The following SLCO1B3 variants were observed in gnomAD, a reference collection of about 807,000 sequenced individuals.
The protein encoded by SLCO1B3 is liver-specific organic anion transporter 2.
In SLCO1B3, 72 loss-of-function variants were observed where a neutral mutation model predicts 71.8. The ratio of observed to expected loss-of-function variants is 1.00; its 90% confidence interval spans 0.83 to 1.22. The LOEUF (loss-of-function observed/expected upper bound fraction) is 1.22. Ranked by LOEUF, SLCO1B3 falls within the 50% of genes most tolerant of loss-of-function variation. The probability of loss-of-function intolerance (pLI) is 0.00; values close to 1 mark genes in which losing one functional copy is unlikely to be tolerated. For missense variants in SLCO1B3, 911 were observed against 819.7 expected (o/e 1.11, Z -1.36); for synonymous variants, 298 against 278.4 (o/e 1.07, Z -0.70).
At chr12:20,875,105 T>G in intron 8 of SLCO1B3, 130 bp from the exon 9 acceptor site, 1 of 1,177,272 alleles carries the variant, frequency 8.5e-7, no homozygotes, top group Non-Finnish European at 1.2e-6. Flanking sequence ...AAATAGTGTT[T>G]TAGAATTGAA....
chr12:20,826,176 A>T (rs538586986), intron 3 of SLCO1B3, among the ~76,000 whole-genome samples: 3 of 152,158 alleles, frequency 2.0e-5, no homozygotes, highest in Non-Finnish European at 4.4e-5. Flanking sequence ...TAAAGCCAAG[A>T]GCACAGAGGG....
In SLCO1B3 at chr12:20,916,008, G is replaced by A. The variant is rs917363998; in HGVS notation, c.1870G>A (p.Val624Ile). The change falls in exon 16 of 16, where the codon GTC becomes ATC. Residue 624 changes from valine (V) to isoleucine (I), a missense_variant. Val to Ile is a conservative substitution (Grantham distance 29). Coordinates refer to ENST00000381545, the MANE Select transcript of SLCO1B3 (RefSeq NM_019844.4). ...RIYNSVFFGR[V>I]YLGLSIALRF... ...CTCTATTTTCTCTTTTCACAGAAGGGTCTACTTGGGCTTATCTATAGCTTT... is the reference window on the plus strand; with the variant it reads ...CTCTATTTTCTCTTTTCACAGAAGGATCTACTTGGGCTTATCTATAGCTTT... 6.3e-7 allele frequency: 1 copy of A among 1,598,454 alleles called. No homozygotes were observed. Among genetic ancestry groups the A allele is most frequent in the Non-Finnish European group, 8.6e-7 (1 of 1,169,364 alleles).
At chr12:20,835,440 C>T (rs1447706624) in intron 3 of SLCO1B3, among the ~76,000 whole-genome samples, 1 of 152,092 alleles carries the variant, frequency 6.6e-6, no homozygotes, top group African/African-American at 2.4e-5. Context: ...TTATGTTCTG[C>T]TTCCTCTTGT....
In SLCO1B3 at chr12:20,860,599, T is replaced by TGTGTGTGTG. The variant is rs1555156228; in HGVS notation, c.360-418_360-417insGTGTGTGTG. On this transcript the variant is annotated intron_variant, in intron 5 of 15. Transcript: ENST00000381545. ...ATTGAGTTTTGAAAAGTCAAGCACTTTGTGTGTGTGTGTGTGTGTGTGTGT... is the reference window on the plus strand; with the variant it reads ...ATTGAGTTTTGAAAAGTCAAGCACTTGTGTGTGTGTGTGTGTGTGTGTGTGTGTGTGTGT... Among the ~76,000 whole-genome samples the TGTGTGTGTG allele has an allele frequency of 4.9e-3, 717 of 146,724 alleles. 6 individuals carry two copies. Among genetic ancestry groups the TGTGTGTGTG allele is most frequent in the Admixed American group, 0.025 (374 of 14,668 alleles).
chr12:20,899,527 T>C (rs754584068), intron 14 of SLCO1B3, among the ~76,000 whole-genome samples: 3 of 152,118 alleles, frequency 2.0e-5, no homozygotes, highest in African/African-American at 4.8e-5. Flanking sequence ...GATCCTGAAA[T>C]GTAAAAGGAA....
intron 1 of SLCO1B3, among the ~76,000 whole-genome samples, chr12:20,812,379 G>C (rs556684363): frequency 1.1e-3 from 162 of 142,834 alleles, no homozygotes; most frequent in African/African-American, 4.0e-3. Flanking sequence ...GTTCTCCAGT[G>C]GTACAGAAGG....
At chr12:20,915,541 G>T (rs1866474492) in intron 15 of SLCO1B3, among the ~76,000 whole-genome samples, 1 of 152,148 alleles carries the variant, frequency 6.6e-6, no homozygotes, top group South Asian at 2.1e-4. Context: ...TTGACAGCCA[G>T]ACAAAATGTA....
At chr12:20,858,373 G>A (rs1470155484) in intron 4 of SLCO1B3, 66 bp from the exon 5 acceptor site, 2 of 1,138,832 alleles carry the variant, frequency 1.8e-6, no homozygotes, top group Non-Finnish European at 2.6e-6. Flanking sequence ...TTCATTTGGG[G>A]CATTCAGTTC....
chr12:20,811,546 G>A (rs1330204274), intron 1 of SLCO1B3, among the ~76,000 whole-genome samples: 1 of 152,120 alleles, frequency 6.6e-6, no homozygotes, highest in Non-Finnish European at 1.5e-5. Context: ...TGGGTCACTT[G>A]GCCTGCACTG....
chr12:20,896,036 C>A (rs901230114), intron 13 of SLCO1B3, among the ~76,000 whole-genome samples: 1 of 152,210 alleles, frequency 6.6e-6, no homozygotes, highest in African/African-American at 2.4e-5. Context: ...ACAGCTGGAG[C>A]AGCTGGGATG....
intron 4 of SLCO1B3, among the ~76,000 whole-genome samples, chr12:20,856,707 G>T (rs1221498410): frequency 6.6e-6 from 1 of 152,142 alleles, no homozygotes; most frequent in South Asian, 2.1e-4. Context: ...TTAGAGGCGT[G>T]TGCCACCACA....
At chr12:20,912,125 T>G (rs1007715469) in intron 15 of SLCO1B3, among the ~76,000 whole-genome samples, 2 of 152,022 alleles carry the variant, frequency 1.3e-5, no homozygotes, top group Admixed American at 6.5e-5. Flanking sequence ...TTTAAATTTC[T>G]CATGAAATTT....
At chr12:20,859,490 T>TCC (rs374409765) in intron 5 of SLCO1B3, among the ~76,000 whole-genome samples, 101 of 140,560 alleles carry the variant, frequency 7.2e-4, no homozygotes, top group African/African-American at 1.2e-3. Flanking sequence ...TCTGTTTTTT[T>TCC]CCCCCTCTAC....
chr12:20,914,631 C>T (rs892620743), intron 15 of SLCO1B3, among the ~76,000 whole-genome samples: 17 of 151,796 alleles, frequency 1.1e-4, no homozygotes, highest in Middle Eastern at 3.4e-3. Context: ...TATGTATATC[C>T]GAGTTTATGA....
intron 12 of SLCO1B3, among the ~76,000 whole-genome samples, chr12:20,882,716 A>C (rs778650809): frequency 1.3e-5 from 2 of 152,068 alleles, no homozygotes; most frequent in African/African-American, 4.8e-5. Context: ...TTCTTTTACA[A>C]GTTCTCCTTC....
chr12:20,841,741 A>G (rs1440705105), intron 3 of SLCO1B3, among the ~76,000 whole-genome samples: 1 of 152,062 alleles, frequency 6.6e-6, no homozygotes, highest in Non-Finnish European at 1.5e-5. Context: ...CTCCACCCTC[A>G]AGTAGGCCTC....
chr12:20,887,993 AC>A (rs1357502900), intron 13 of SLCO1B3, among the ~76,000 whole-genome samples: 1 of 151,756 alleles, frequency 6.6e-6, no homozygotes, highest in African/African-American at 2.4e-5. Flanking sequence ...TCCTTTCCTC[AC>A]TGTATATGTA....
rs775841876 is a variant in SLCO1B3 at position 20,877,774 on chromosome 12, T to A, written c.973T>A (p.Phe325Ile). Residue 325 changes from phenylalanine to isoleucine, a missense_variant and splice_region_variant, in exon 10 of 16, where the codon TTT (phenylalanine) becomes ATT (isoleucine). Coordinates refer to ENST00000381545, the MANE Select transcript of SLCO1B3 (RefSeq NM_019844.4). The stretch of plus-strand genomic sequence containing the variant: ...ATGTTATTTTTATAACTCTATAGGT[T>A]TTTTCCAGTCTTTGAAAAGCATCCT... ...GKNVTKNVTGFFQSLKSILTN... is the reference protein window; with the variant it reads ...GKNVTKNVTGIFQSLKSILTN... 3.2e-5 allele frequency: 45 copies of A among 1,395,550 alleles called. No individual in the cohort carries two copies. The highest frequency in any genetic ancestry group is 3.9e-5 in the Non-Finnish European group (41 of 1,051,606). The allele number at this position is 1,395,550 out of a possible 1,614,324, so 86.4% of individuals were successfully genotyped here.
chr12:20,848,671 T>A (rs1864963677), intron 3 of SLCO1B3, among the ~76,000 whole-genome samples: 1 of 151,978 alleles, frequency 6.6e-6, no homozygotes, highest in South Asian at 2.1e-4. Context: ...AAATGGAACA[T>A]CAAGTCATAA....
Sources: gnomAD v4.1 joint callset for allele counts (sites outside exome capture counted in the v4.1 genomes callset) on GRCh38, gnomAD v4.1.1 for gene constraint, MANE v1.5 for transcripts, NCBI Gene and HGNC (gene_info 2026-07-23, HGNC 2026-07-21) for gene names.